Variants in NUCB1 observed in about 807,000 individuals in gnomAD.
The protein encoded by NUCB1 is nucleobindin 1.
In NUCB1, 47 loss-of-function variants were observed where a neutral mutation model predicts 61.2. The ratio of observed to expected loss-of-function variants is 0.77; its 90% confidence interval spans 0.61 to 0.98. NUCB1 has a LOEUF of 0.98. Ranked by LOEUF, NUCB1 falls within the 50% of genes least tolerant of loss-of-function variation. NUCB1 has a pLI of 0.00. For synonymous variants in NUCB1, 234 were observed against 243.1 expected (o/e 0.96, Z 0.35); for missense variants, 583 against 605.3 (o/e 0.96, Z 0.39).
At chr19:48,902,430 T>A (rs967008507) in intron 2 of NUCB1, among the ~76,000 whole-genome samples, 44 of 142,078 alleles carry the variant, frequency 3.1e-4, no homozygotes, top group Non-Finnish European at 5.2e-4. Context: ...CTTTTTTTTT[T>A]TTTTTTTTAT....
At chr19:48,914,061 C>T (rs946522831) in intron 7 of NUCB1, among the ~76,000 whole-genome samples, 3 of 151,348 alleles carry the variant, frequency 2.0e-5, no homozygotes, top group Admixed American at 1.3e-4. Context: ...CCCTGCCCTC[C>T]GCCTCCCGGG....
intron 7 of NUCB1, among the ~76,000 whole-genome samples, chr19:48,916,909 T>C (rs1423085178): frequency 1.3e-5 from 2 of 151,510 alleles, no homozygotes; most frequent in African/African-American, 2.4e-5. Flanking sequence ...AGCGAGACTC[T>C]GTCTCAAAAA....
In NUCB1 at chr19:48,900,900, A is replaced by G; in HGVS notation, c.104A>G (p.Asn35Ser). The G allele has an allele frequency of 1.2e-6, 2 of 1,613,908 alleles. No homozygotes were observed. The highest frequency in any genetic ancestry group is 2.2e-5 in the East Asian group (1 of 44,880). The change falls in exon 2 of 13, where the codon AAC becomes AGC. Residue 35 changes from asparagine to serine, a missense_variant. Coordinates refer to ENST00000405315, the MANE Select transcript of NUCB1 (RefSeq NM_006184.6). The stretch of plus-strand genomic sequence containing the variant: ...GTCCCCCTGGAGCGAGGGGCGCCCA[A>G]CAAGGAGGAGACCCCTGCGACTGAG... ...LAVPLERGAP[N>S]KEETPATESP...
At chr19:48,909,019 G>A (rs993588612) in intron 4 of NUCB1, among the ~76,000 whole-genome samples, 3 of 152,000 alleles carry the variant, frequency 2.0e-5, no homozygotes, top group Non-Finnish European at 4.4e-5. Context: ...CTGACCAGGT[G>A]CTTCAGCAAC....
Position 48,904,474 on chromosome 19 carries a change from G to A in NUCB1, c.243+20G>A. ...ATCAAGGTGCGGCTGGGGGAGTGGG[G>A]GCTGTGGGAGGGGTACGTGCTGGGA... On this transcript the variant is annotated intron_variant, in intron 3 of 12. Coordinates refer to ENST00000405315, the MANE Select transcript of NUCB1 (RefSeq NM_006184.6). The A allele has an allele frequency of 2.0e-6, 3 of 1,517,522 alleles. 1 individual carries two copies. The Middle Eastern group carries it at 5.1e-4, about 260-fold the overall frequency. The allele number at this position is 1,517,522 out of a possible 1,614,324, so 94.0% of individuals were successfully genotyped here. A position where few individuals can be genotyped will look rare whatever the true frequency, so the allele number is the denominator to read the frequency against.
chr19:48,905,703 G>A (rs2037402567), intron 3 of NUCB1, 50 bp from the exon 4 acceptor site: 1 of 1,609,508 alleles, frequency 6.2e-7, no homozygotes, highest in Non-Finnish European at 8.5e-7. Context: ...AGCTTCCAGA[G>A]AAGACAGAGA....
At chr19:48,904,523 GT>G in intron 3 of NUCB1, 69 bp downstream of exon 3, 1 of 904,268 alleles carries the variant, frequency 1.1e-6, no homozygotes, top group Non-Finnish European at 1.7e-6. Flanking sequence ...GGGAGGACTG[GT>G]TTCTTTTTTT....
Position 48,919,188 on chromosome 19 carries a change from C to T in NUCB1, c.910-6C>T, listed in dbSNP as rs577957808. ...CTCTGTCACTCACCCTTATCTGGCT[C>T]CCCAGGTGGACACCAACCAGGACCG... On this transcript the variant is annotated splice_region_variant and splice_polypyrimidine_tract_variant and intron_variant, in intron 9 of 12. Transcript: ENST00000405315. 6.2e-7 allele frequency: 1 copy of T among 1,613,916 alleles called. No homozygotes were observed. Among genetic ancestry groups the T allele is most frequent in the African/African-American group, 1.3e-5 (1 of 74,898 alleles).
chr19:48,912,319 C>T (rs2037483257), intron 5 of NUCB1, among the ~76,000 whole-genome samples: 1 of 152,088 alleles, frequency 6.6e-6, no homozygotes. Flanking sequence ...ACCCACCTCT[C>T]CTAGTCTGAC....
At chr19:48,909,605 G>A (rs1006848477) in intron 4 of NUCB1, among the ~76,000 whole-genome samples, 1 of 151,974 alleles carries the variant, frequency 6.6e-6, no homozygotes, top group Non-Finnish European at 1.5e-5. Flanking sequence ...GCAGTGGTGC[G>A]ATCTCGGCTC....
intron 7 of NUCB1, 58 bp downstream of exon 7, chr19:48,913,622 G>A: frequency 7.1e-7 from 1 of 1,401,840 alleles, no homozygotes; most frequent in Non-Finnish European, 1.0e-6. Flanking sequence ...ACCCTTCTAG[G>A]ACCTGAATGC....
At chr19:48,916,786 C>T (rs977634233) in intron 7 of NUCB1, among the ~76,000 whole-genome samples, 3 of 152,002 alleles carry the variant, frequency 2.0e-5, no homozygotes, top group East Asian at 3.9e-4. Context: ...CATGGTGGCA[C>T]GCACCTGCAG....
At chr19:48,907,222 C>T (rs574078185) in intron 4 of NUCB1, among the ~76,000 whole-genome samples, 1 of 151,454 alleles carries the variant, frequency 6.6e-6, no homozygotes, top group East Asian at 1.9e-4. Context: ...ATCCGCCCAC[C>T]TCGGCCTCCC....
chr19:48,920,188 G>C (rs930507011), intron 10 of NUCB1, among the ~76,000 whole-genome samples: 2 of 152,068 alleles, frequency 1.3e-5, no homozygotes, highest in Admixed American at 1.3e-4. Context: ...GGATTACCCA[G>C]GCTGGAGTGC....
Position 48,913,579 on chromosome 19 carries a change from G to C in NUCB1, c.757+15G>C, listed in dbSNP as rs2037504435. On this transcript the variant is annotated intron_variant, in intron 7 of 12. Coordinates refer to ENST00000405315, the MANE Select transcript of NUCB1 (RefSeq NM_006184.6). ...CATACTGCATGGTAAGGTGGGGAGG[G>C]AGTTCCAGAGCCAGGATGAACCCTA... The C allele has an allele frequency of 1.9e-6, 3 of 1,600,608 alleles. No individual in the cohort carries two copies. Among genetic ancestry groups the C allele is most frequent in the African/African-American group, 1.3e-5 (1 of 74,662 alleles).
chr19:48,913,137 G>A lies in NUCB1; in HGVS notation c.607G>A (p.Glu203Lys). Reference protein sequence around the residue: ...SLGEEQRKEAERKLEEQQRRH... With the variant: ...SLGEEQRKEAKRKLEEQQRRH... ...GGGAGAGGAGCAGAGAAAGGAGGCGGAGAGGAAGCTGGAAGAGCAACAGCG... is the reference window on the plus strand; with the variant it reads ...GGGAGAGGAGCAGAGAAAGGAGGCGAAGAGGAAGCTGGAAGAGCAACAGCG... Residue 203 changes from glutamate (E) to lysine (K), a missense_variant, in exon 6 of 13, where the codon GAG becomes AAG. Transcript: ENST00000405315. The A allele has an allele frequency of 2.5e-6, 4 of 1,613,994 alleles. No homozygotes were observed. The highest frequency in any genetic ancestry group is 3.4e-6 in the Non-Finnish European group (4 of 1,180,010).
intron 5 of NUCB1, among the ~76,000 whole-genome samples, chr19:48,912,102 G>A (rs2037480668): frequency 6.7e-6 from 1 of 148,508 alleles, no homozygotes; most frequent in African/African-American, 2.5e-5. Context: ...ACAGCTCACT[G>A]CAGCCTCAAC....
At chr19:48,900,657 G>A (rs1600046804) in intron 1 of NUCB1, 129 bp from the exon 2 acceptor site, 3 of 1,274,218 alleles carry the variant, frequency 2.4e-6, no homozygotes, top group Non-Finnish European at 3.2e-6. Flanking sequence ...CCTGGGGCCT[G>A]GGTAACAAAA....
chr19:48,904,286 G>A, intron 2 of NUCB1, 61 bp from the exon 3 acceptor site: 2 of 1,122,030 alleles, frequency 1.8e-6, no homozygotes, highest in Non-Finnish European at 2.7e-6. Flanking sequence ...AGCAGTAACA[G>A]GAGTGAGGGT....
Sources: allele counts gnomAD v4.1 joint callset (sites outside exome capture counted in the v4.1 genomes callset), GRCh38; gene constraint gnomAD v4.1.1; transcripts MANE v1.5; gene names NCBI Gene and HGNC (gene_info 2026-07-23, HGNC 2026-07-21).